Variants in CES5A observed in about 807,000 individuals in gnomAD.
CES5A encodes the protein carboxylesterase 5A.
In CES5A, 67 loss-of-function variants were observed where a neutral mutation model predicts 62.9. The observed-to-expected ratio is 1.07, with a 90% CI of 0.88 to 1.31. CES5A has a LOEUF of 1.31. Ranked by LOEUF, CES5A falls within the 50% of genes most tolerant of loss-of-function variation. The pLI is 0.00. For missense variants in CES5A, 748 were observed against 708.5 expected (o/e 1.06, Z -0.63); for synonymous variants, 296 against 280.8 (o/e 1.05, Z -0.54).
upstream of CES5A, among the ~76,000 whole-genome samples, chr16:55,927,354 CA>C (rs1277565560): frequency 6.6e-6 from 1 of 152,098 alleles, no homozygotes; most frequent in Admixed American, 6.5e-5. Context: ...AAAATATTCA[CA>C]AACTATACAT....
At chr16:55,881,260 G>A (rs971198017) in intron 1 of CES5A, among the ~76,000 whole-genome samples, 4 of 152,160 alleles carry the variant, frequency 2.6e-5, no homozygotes, top group African/African-American at 9.7e-5. Flanking sequence ...CCAGTAACCA[G>A]GGCCAGGCTT....
intron 1 of CES5A, among the ~76,000 whole-genome samples, chr16:55,883,882 G>A (rs1268573394): frequency 6.6e-6 from 1 of 152,160 alleles, no homozygotes; most frequent in Non-Finnish European, 1.5e-5. Context: ...TTGACACAGT[G>A]AGCCCACTGT....
chr16:55,934,020 T>G (rs940423676), intron 2 of CES5A, among the ~76,000 whole-genome samples: 2 of 148,792 alleles, frequency 1.3e-5, no homozygotes, highest in Non-Finnish European at 2.9e-5. Context: ...CTTGCACTTG[T>G]TGTTCCTGCT....
chr16:55,872,728 G>A (rs563966769), intron 2 of CES5A, among the ~76,000 whole-genome samples: 27 of 152,206 alleles, frequency 1.8e-4, no homozygotes, highest in African/African-American at 5.1e-4. Flanking sequence ...CAGCAAAGCC[G>A]TCTCTGACCT....
intron 4 of CES5A, among the ~76,000 whole-genome samples, chr16:55,869,253 G>A (rs1315241613): frequency 2.0e-5 from 3 of 152,196 alleles, no homozygotes; most frequent in Non-Finnish European, 4.4e-5. Context: ...TCCATTGCAT[G>A]ATCCTCCATG....
intron 2 of CES5A, among the ~76,000 whole-genome samples, chr16:55,935,367 A>G (rs112066454): frequency 1.8e-4 from 27 of 152,268 alleles, no homozygotes; most frequent in African/African-American, 6.5e-4. Context: ...TCAGCTTTCA[A>G]CTGATTGGAT....
chr16:55,874,059 A>T, intron 1 of CES5A, 22 bp from the exon 2 acceptor site: 1 of 1,576,700 alleles, frequency 6.3e-7, no homozygotes, highest in Non-Finnish European at 8.6e-7. Context: ...CATGGGAGGA[A>T]TCAGGAGCAG....
chr16:55,880,412 C>T (rs1422030618), intron 1 of CES5A, among the ~76,000 whole-genome samples: 1 of 152,182 alleles, frequency 6.6e-6, no homozygotes. Context: ...GGAAGTGGGG[C>T]TCCCATTGCT....
intron 2 of CES5A, among the ~76,000 whole-genome samples, chr16:55,947,654 C>A (rs985193664): frequency 3.3e-5 from 5 of 151,902 alleles, no homozygotes; most frequent in Admixed American, 3.3e-4. Context: ...AAGTTAGTGT[C>A]ATTGATTGGG....
intron 1 of CES5A, among the ~76,000 whole-genome samples, chr16:55,903,250 C>T (rs1227271416): frequency 3.3e-5 from 5 of 152,168 alleles, no homozygotes; most frequent in African/African-American, 1.2e-4. Flanking sequence ...ACGCTTTCTA[C>T]ACCAGACTAT....
chr16:55,861,185 C>G (rs1327019792), intron 7 of CES5A, among the ~76,000 whole-genome samples: 1 of 152,228 alleles, frequency 6.6e-6, no homozygotes, highest in Non-Finnish European at 1.5e-5. Context: ...AAGCCTTGTA[C>G]TTTGCTGAAT....
intron 2 of CES5A, chr16:55,943,897 AC>A (rs2034468847): frequency 1.6e-6 from 1 of 609,886 alleles, no homozygotes; most frequent in African/African-American, 1.8e-5. Flanking sequence ...ATAAGCTTTA[AC>A]TGAGTATCCA....
chr16:55,945,699 G>A lies in CES5A; in HGVS notation c.160+4086C>T, dbSNP rs542348394. Reference sequence around the variant, plus strand: ...CATCTGCGGTCTTTCTTGAAAGTATGGAATTCTGGACTCCACGTCAGGTCT... The same window carrying A: ...CATCTGCGGTCTTTCTTGAAAGTATAGAATTCTGGACTCCACGTCAGGTCT... On this transcript the variant is annotated intron_variant, in intron 2 of 13. Transcript: ENST00000521992. Among the ~76,000 whole-genome samples the A allele has an allele frequency of 2.6e-5, 4 of 152,312 alleles. No individual in the cohort carries two copies. The South Asian group carries it at 8.3e-4, about 32-fold the overall frequency.
chr16:55,892,893 C>G (rs994850609), intron 1 of CES5A, among the ~76,000 whole-genome samples: 1 of 151,992 alleles, frequency 6.6e-6, no homozygotes, highest in African/African-American at 2.4e-5. Flanking sequence ...GGAGAAGTTG[C>G]CAAGTTAAGG....
intron 1 of CES5A, among the ~76,000 whole-genome samples, chr16:55,888,625 A>G (rs2033841175): frequency 6.6e-6 from 1 of 152,190 alleles, no homozygotes; most frequent in African/African-American, 2.4e-5. Context: ...TCTTTGTCTC[A>G]GGCTCTGCTT....
intron 4 of CES5A, among the ~76,000 whole-genome samples, chr16:55,866,866 A>C (rs1413486694): frequency 6.6e-6 from 1 of 151,856 alleles, no homozygotes; most frequent in African/African-American, 2.4e-5. Flanking sequence ...AAAATAAACA[A>C]ACAAACAAAA....
intron 1 of CES5A, among the ~76,000 whole-genome samples, chr16:55,888,499 T>C (rs1329468999): frequency 6.6e-6 from 1 of 152,190 alleles, no homozygotes; most frequent in Non-Finnish European, 1.5e-5. Flanking sequence ...AAGTTGACAA[T>C]AGCAAAAATC....
chr16:55,870,901 T>G (rs189270080), intron 3 of CES5A, among the ~76,000 whole-genome samples: 1 of 152,308 alleles, frequency 6.6e-6, no homozygotes, highest in East Asian at 1.9e-4. Flanking sequence ...TGGACAAACC[T>G]CTGGCTTTGG....
chr16:55,854,852 T>C (rs1455920640), intron 9 of CES5A, among the ~76,000 whole-genome samples: 7 of 152,102 alleles, frequency 4.6e-5, no homozygotes, highest in Non-Finnish European at 1.0e-4. Context: ...TTTTCTAAAA[T>C]AGAAATCAAA....
Sources: gnomAD v4.1 joint callset for allele counts (sites outside exome capture counted in the v4.1 genomes callset) on GRCh38, gnomAD v4.1.1 for gene constraint, MANE v1.5 for transcripts, NCBI Gene and HGNC (gene_info 2026-07-23, HGNC 2026-07-21) for gene names.